Variants in ICA1 observed in about 807,000 individuals in gnomAD.
The protein encoded by ICA1 is 69 kDa islet cell autoantigen.
Under a neutral mutation model 71.0 loss-of-function variants are expected in ICA1, and 40 were observed. That is an observed-to-expected ratio of 0.56 (90% CI 0.44 to 0.73). ICA1 has a LOEUF of 0.73. Among genes scored for constraint, ICA1 ranks in the 30% least tolerant of loss-of-function variants. The pLI, the probability that ICA1 is intolerant of heterozygous loss-of-function variation, is 0.00. For synonymous variants in ICA1, 207 were observed against 209.5 expected, an observed-to-expected ratio of 0.99 and a Z score of 0.10; for missense variants, 578 against 576.5, an observed-to-expected ratio of 1.00 and a Z score of -0.03.
intron 12 of ICA1, among the ~76,000 whole-genome samples, chr7:8,138,536 T>C (rs776256004): frequency 6.6e-6 from 1 of 152,218 alleles, no homozygotes; most frequent in African/African-American, 2.4e-5. Flanking sequence ...GTAAAACCAG[T>C]CTTTAAATCC....
chr7:8,124,523 T>C (rs1380537958), intron 13 of ICA1, among the ~76,000 whole-genome samples: 1 of 151,622 alleles, frequency 6.6e-6, no homozygotes, highest in Non-Finnish European at 1.5e-5. Flanking sequence ...AGGGTCCTAA[T>C]AGAAGAATAG....
At chr7:8,237,800 A>G (rs1447517262) in intron 1 of ICA1, among the ~76,000 whole-genome samples, 2 of 150,264 alleles carry the variant, frequency 1.3e-5, no homozygotes, top group African/African-American at 5.0e-5. Context: ...ATTGCATTGT[A>G]TATGCAATGT....
intron 12 of ICA1, among the ~76,000 whole-genome samples, chr7:8,134,336 T>A (rs1282815124): frequency 1.3e-5 from 2 of 152,258 alleles, no homozygotes; most frequent in East Asian, 3.9e-4. Context: ...AGACACGGTG[T>A]GGGAAATTGG....
chr7:8,238,418 A>C (rs1457005494), intron 1 of ICA1, among the ~76,000 whole-genome samples: 2 of 151,974 alleles, frequency 1.3e-5, no homozygotes. Context: ...TTTTTTTGCC[A>C]TTTGTATATT....
In ICA1 at chr7:8,221,392, G is replaced by C. The variant is rs762927341; in HGVS notation, c.263C>G (p.Ser88Cys). The C allele has an allele frequency of 6.8e-6, 11 of 1,613,160 alleles. No homozygotes were observed. The highest frequency in any genetic ancestry group is 1.3e-5 in the African/African-American group (1 of 74,846). ...TTTTCCCAGTTCGTTTTCTTCTTGA[G>C]ACAAGACTGATGAAGAAAAGACCAA... The part of the protein sequence containing the change: ...VLYQKRICFL[S>C]QEENELGKFL... Residue 88 changes from serine to cysteine, a missense_variant, in exon 5 of 14, where the codon TCT becomes TGT. Coordinates refer to ENST00000402384, the MANE Select transcript of ICA1 (RefSeq NM_001136020.3).
At chr7:8,244,776 T>C (rs917841361) in intron 1 of ICA1, among the ~76,000 whole-genome samples, 3 of 152,118 alleles carry the variant, frequency 2.0e-5, no homozygotes, top group African/African-American at 7.2e-5. Context: ...CACAAAAGAA[T>C]ACATTTATGC....
At chr7:8,249,708 T>C (rs887614108) in intron 1 of ICA1, among the ~76,000 whole-genome samples, 1 of 152,254 alleles carries the variant, frequency 6.6e-6, no homozygotes, top group Non-Finnish European at 1.5e-5. Flanking sequence ...ATATGACCAG[T>C]CTTCAATATT....
At chr7:8,258,162 A>G (rs909422007) in intron 1 of ICA1, among the ~76,000 whole-genome samples, 1 of 152,070 alleles carries the variant, frequency 6.6e-6, no homozygotes, top group African/African-American at 2.4e-5. Flanking sequence ...CTTTCCCTGA[A>G]AGGCAATTGG....
chr7:8,210,574 A>G (rs1793341908), intron 6 of ICA1, among the ~76,000 whole-genome samples: 1 of 152,208 alleles, frequency 6.6e-6, no homozygotes, highest in Non-Finnish European at 1.5e-5. Context: ...CTATCCATTT[A>G]TAAACGCAAA....
intron 13 of ICA1, among the ~76,000 whole-genome samples, chr7:8,119,619 G>A (rs764960979): frequency 5.9e-5 from 9 of 152,174 alleles, no homozygotes; most frequent in Non-Finnish European, 1.2e-4. Context: ...GCCAAAGCAG[G>A]CGGATCACTT....
At chr7:8,183,832 T>C (rs1783019501) in intron 6 of ICA1, among the ~76,000 whole-genome samples, 2 of 152,110 alleles carry the variant, frequency 1.3e-5, no homozygotes, top group African/African-American at 4.8e-5. Context: ...GATAAAAACA[T>C]TCAAAAGCTA....
At chr7:8,133,202 G>A (rs1277380213) in intron 12 of ICA1, among the ~76,000 whole-genome samples, 2 of 152,210 alleles carry the variant, frequency 1.3e-5, no homozygotes, top group South Asian at 4.1e-4. Context: ...GCCGCCTTAG[G>A]ACTCAGCAAA....
intron 6 of ICA1, among the ~76,000 whole-genome samples, chr7:8,176,012 A>C (rs1780516306): frequency 1.3e-5 from 2 of 152,220 alleles, no homozygotes; most frequent in Non-Finnish European, 2.9e-5. Context: ...CCTGTTTTAC[A>C]ACTGTTTCAT....
At chr7:8,119,639 A>T (rs941639072) in intron 13 of ICA1, among the ~76,000 whole-genome samples, 1 of 152,150 alleles carries the variant, frequency 6.6e-6, no homozygotes, top group African/African-American at 2.4e-5. Context: ...TGAGGTCAGG[A>T]GTTCAAGACC....
Position 8,128,288 on chromosome 7 carries a change from T to C in ICA1, c.1061-146A>G, listed in dbSNP as rs902702766. The C allele has an allele frequency of 3.5e-5, 28 of 806,356 alleles. No homozygotes were observed. The African/African-American group carries it at 3.8e-4, about 11-fold the overall frequency. The allele number at this position is 806,356 out of a possible 1,614,324, so 50.0% of individuals were successfully genotyped here. On this transcript the variant is annotated intron_variant, in intron 12 of 13. Transcript: ENST00000402384. ...AAAATATAAGTTCATCCTATTATTATAGCCTCTCTTAAGAGTTTATAGAAT... is the reference window on the plus strand; with the variant it reads ...AAAATATAAGTTCATCCTATTATTACAGCCTCTCTTAAGAGTTTATAGAAT...
At chr7:8,137,236 T>G (rs1346990187) in intron 12 of ICA1, among the ~76,000 whole-genome samples, 2 of 152,134 alleles carry the variant, frequency 1.3e-5, no homozygotes, top group Non-Finnish European at 2.9e-5. Flanking sequence ...TTTGTCCCAG[T>G]GTGAATGTAC....
At chr7:8,203,979 G>A (rs992889627) in intron 6 of ICA1, among the ~76,000 whole-genome samples, 7 of 151,992 alleles carry the variant, frequency 4.6e-5, no homozygotes, top group South Asian at 2.1e-4. Context: ...CTCAAAAAAC[G>A]ACTCCCAGAA....
chr7:8,161,281 C>T (rs1303428120), intron 6 of ICA1, among the ~76,000 whole-genome samples: 1 of 151,942 alleles, frequency 6.6e-6, no homozygotes, highest in Admixed American at 6.6e-5. Flanking sequence ...AAGTTAGTCA[C>T]TATATTATAA....
At chr7:8,195,354 A>G (rs1323126806) in intron 6 of ICA1, among the ~76,000 whole-genome samples, 1 of 152,172 alleles carries the variant, frequency 6.6e-6, no homozygotes, top group African/African-American at 2.4e-5. Flanking sequence ...CGGCCTGGCC[A>G]TCATGGTGAA....
Sources: allele counts gnomAD v4.1 joint callset (sites outside exome capture counted in the v4.1 genomes callset), GRCh38; gene constraint gnomAD v4.1.1; transcripts MANE v1.5; gene names NCBI Gene and HGNC (gene_info 2026-07-23, HGNC 2026-07-21).